MAGI2: variants seen among roughly 807,000 people sequenced by gnomAD.
MAGI2 encodes membrane associated guanylate kinase, WW and PDZ domain containing 2, also known as membrane-associated guanylate kinase, WW and PDZ domain-containing protein 2.
A neutral mutation model predicts 133.3 loss-of-function variants in MAGI2; 35 were observed. The observed-to-expected ratio is 0.26, with a 90% CI of 0.20 to 0.35. The LOEUF (loss-of-function observed/expected upper bound fraction) is 0.35. Ranked by LOEUF, MAGI2 falls within the 10% of genes least tolerant of loss-of-function variation. The pLI is 1.00. For missense variants in MAGI2, 1,636 were observed against 1,863.4 expected (o/e 0.88, Z 2.25); for synonymous variants, 729 against 710.6 (o/e 1.03, Z -0.41).
At chr7:78,297,861 G>A (rs906485858) in intron 9 of MAGI2, among the ~76,000 whole-genome samples, 3 of 144,704 alleles carry the variant, frequency 2.1e-5, no homozygotes, top group Middle Eastern at 3.3e-3. Context: ...GGGAGGGATA[G>A]CATTGGGAGA....
At chr7:79,209,406 G>A (rs988020531) in intron 1 of MAGI2, among the ~76,000 whole-genome samples, 1 of 151,912 alleles carries the variant, frequency 6.6e-6, no homozygotes, top group Admixed American at 6.6e-5. Context: ...ACATCTTAAA[G>A]CATTTGTAAG....
chr7:78,091,453 T>C (rs903984792), intron 20 of MAGI2, among the ~76,000 whole-genome samples: 7 of 152,172 alleles, frequency 4.6e-5, no homozygotes, highest in African/African-American at 9.7e-5. Context: ...CTTTACAAAT[T>C]ACTCAGTCTC....
intron 16 of MAGI2, among the ~76,000 whole-genome samples, chr7:78,143,905 T>C (rs1027298999): frequency 4.6e-5 from 7 of 151,952 alleles, no homozygotes; most frequent in African/African-American, 1.7e-4. Context: ...CCATTTTTCT[T>C]TCACTTATAG....
At chr7:78,618,597 G>A (rs1584864047) in intron 3 of MAGI2, 1 of 151,766 alleles carries the variant, frequency 6.6e-6, no homozygotes, top group South Asian at 2.1e-4. Context: ...TTTTTGACGT[G>A]TTTCAGATTA....
intron 2 of MAGI2, among the ~76,000 whole-genome samples, chr7:78,740,516 C>G (rs1391040612): frequency 6.6e-6 from 1 of 152,138 alleles, no homozygotes; most frequent in Non-Finnish European, 1.5e-5. Context: ...GGTACTTGTA[C>G]TGTCTGATTG....
At chr7:78,698,647 T>C (rs1817752887) in intron 2 of MAGI2, among the ~76,000 whole-genome samples, 1 of 152,206 alleles carries the variant, frequency 6.6e-6, no homozygotes, top group African/African-American at 2.4e-5. Context: ...CTGGGTAATT[T>C]ACAAAGGAAA....
intron 1 of MAGI2, among the ~76,000 whole-genome samples, chr7:79,250,370 A>C (rs182922117): frequency 2.7e-4 from 41 of 151,366 alleles, no homozygotes; most frequent in African/African-American, 8.4e-4. Context: ...AAAAGAAAAC[A>C]AACAGAACTA....
In MAGI2 at chr7:79,248,564, C is replaced by A. The variant is rs1585319840; in HGVS notation, c.301+204456G>T. ...CATATCACCCAATGGCTGCAGAATA[C>A]ACAGTCTTCTCCTTAGTACATGGAT... On this transcript the variant is annotated intron_variant, in intron 1 of 21. Transcript: ENST00000354212. Among the ~76,000 whole-genome samples the A allele has an allele frequency of 2.0e-5, 3 of 152,062 alleles. No homozygotes were observed. In the East Asian group the frequency reaches 5.8e-4, roughly 29 times the overall value.
Position 79,217,841 on chromosome 7 carries a change from A to G in MAGI2, c.302-210635T>C, listed in dbSNP as rs575661978. 2.0e-5 allele frequency among the ~76,000 whole-genome samples: 3 copies of G among 152,174 alleles called. No homozygotes were observed. The South Asian group carries it at 6.2e-4, about 32-fold the overall frequency. ...AGTAGAATAGTGCTTGGTACATAAT[A>G]AGCAGTCAATAAATGGTGGTTATTA... On this transcript the variant is annotated intron_variant, in intron 1 of 21. Transcript: ENST00000354212.
chr7:78,262,374 T>A (rs1240348480), intron 9 of MAGI2, among the ~76,000 whole-genome samples: 1 of 152,182 alleles, frequency 6.6e-6, no homozygotes, highest in Non-Finnish European at 1.5e-5. Flanking sequence ...TAATTTTCTA[T>A]GTATTATGAG....
rs10249939 is a variant in MAGI2, at chr7:79,324,610, A to T, written c.301+128410T>A. Among the ~76,000 whole-genome samples, 4 of 11,552 alleles carry T rather than the reference A, an allele frequency of 3.5e-4. 1 individual carries two copies. The highest frequency in any genetic ancestry group is 1.0e-3 in the African/African-American group (4 of 3,868). The allele number at this position is 11,552 out of a possible 152,430, so 7.6% of individuals were successfully genotyped here. A position where few individuals can be genotyped will look rare whatever the true frequency, so the allele number is the denominator to read the frequency against. ...TATATATAACAATATATATATAAAAAATATATATAATATATATATTATATA... is the reference window on the plus strand; with the variant it reads ...TATATATAACAATATATATATAAAATATATATATAATATATATATTATATA... On this transcript the variant is annotated intron_variant, in intron 1 of 21. Coordinates refer to ENST00000354212, the MANE Select transcript of MAGI2 (RefSeq NM_012301.4).
At chr7:78,152,333 C>G (rs779867575) in intron 16 of MAGI2, among the ~76,000 whole-genome samples, 1 of 152,092 alleles carries the variant, frequency 6.6e-6, no homozygotes, top group Non-Finnish European at 1.5e-5. Context: ...TGGAATGGAA[C>G]CTGTGAGGAG....
intron 1 of MAGI2, among the ~76,000 whole-genome samples, chr7:79,356,218 A>G (rs1320987959): frequency 6.6e-6 from 1 of 152,174 alleles, no homozygotes; most frequent in Non-Finnish European, 1.5e-5. Context: ...TTAAAATATC[A>G]CATGTATTAT....
At chr7:79,382,404 T>C (rs756619304) in intron 1 of MAGI2, among the ~76,000 whole-genome samples, 2 of 151,558 alleles carry the variant, frequency 1.3e-5, no homozygotes, top group Non-Finnish European at 3.0e-5. Flanking sequence ...TCTCAGGATG[T>C]AAATCTCATT....
intron 1 of MAGI2, among the ~76,000 whole-genome samples, chr7:79,338,344 A>G (rs1175206966): frequency 6.6e-6 from 1 of 152,130 alleles, no homozygotes; most frequent in Non-Finnish European, 1.5e-5. Context: ...GTATTTCTAA[A>G]TTAGGTGGTC....
At chr7:78,761,749 T>C (rs939199441) in intron 2 of MAGI2, among the ~76,000 whole-genome samples, 5 of 152,110 alleles carry the variant, frequency 3.3e-5, no homozygotes, top group Non-Finnish European at 7.4e-5. Flanking sequence ...TGAGCCATCA[T>C]GCCTCACCTA....
chr7:79,156,498 C>A (rs905634989), intron 1 of MAGI2, among the ~76,000 whole-genome samples: 17 of 152,140 alleles, frequency 1.1e-4, no homozygotes, highest in African/African-American at 4.1e-4. Flanking sequence ...TCTCCACAAT[C>A]TTTTATCTTA....
intron 2 of MAGI2, among the ~76,000 whole-genome samples, chr7:78,702,851 G>T (rs545988063): frequency 3.9e-5 from 6 of 152,096 alleles, no homozygotes; most frequent in Admixed American, 3.3e-4. Context: ...GTGAACAATT[G>T]GGTGGAATTG....
At chr7:79,342,979 G>A (rs1717043178) in intron 1 of MAGI2, among the ~76,000 whole-genome samples, 1 of 151,992 alleles carries the variant, frequency 6.6e-6, no homozygotes, top group African/African-American at 2.4e-5. Flanking sequence ...AGCCAGGCTA[G>A]TCTCGAACTC....
Sources: gnomAD v4.1 joint callset for allele counts (sites outside exome capture counted in the v4.1 genomes callset) on GRCh38, gnomAD v4.1.1 for gene constraint, MANE v1.5 for transcripts, NCBI Gene and HGNC (gene_info 2026-07-23, HGNC 2026-07-21) for gene names.